SLC24A2: variants seen among roughly 807,000 people sequenced by gnomAD.
SLC24A2 encodes solute carrier family 24 member 2, also known as sodium/potassium/calcium exchanger 2.
In SLC24A2, 36 loss-of-function variants were observed where a neutral mutation model predicts 62.0. That is an observed-to-expected ratio of 0.58 (90% CI 0.44 to 0.77). The LOEUF (loss-of-function observed/expected upper bound fraction) is 0.77, where lower values mean the gene tolerates loss of function less well. SLC24A2 is among the 30% of genes least tolerant of loss of function. The probability of loss-of-function intolerance (pLI) is 0.00; values close to 1 mark genes in which losing one functional copy is unlikely to be tolerated. For missense variants in SLC24A2, 846 were observed against 817.9 expected, an observed-to-expected ratio of 1.03 and a Z score of -0.42; for synonymous variants, 358 against 294.0, an observed-to-expected ratio of 1.22 and a Z score of -2.23.
At chr9:20,109,679 G>A in the SLC24A2 span, among the ~76,000 whole-genome samples, 1 of 152,120 alleles carries the variant, frequency 6.6e-6, no homozygotes, top group Non-Finnish European at 1.5e-5. Context: ...TCTGGAGTTT[G>A]CCCATACACC....
chr9:19,903,945 A>G, the SLC24A2 span, among the ~76,000 whole-genome samples: 11,424 of 152,242 alleles, frequency 0.075, 713 homozygotes, highest in East Asian at 0.21. Context: ...TCTCATGCAC[A>G]AAGATTTTGT....
At chr9:19,686,624 A>T (rs1055280209) in intron 2 of SLC24A2, among the ~76,000 whole-genome samples, 3 of 152,052 alleles carry the variant, frequency 2.0e-5, no homozygotes, top group African/African-American at 7.2e-5. Flanking sequence ...TGGTTTTATA[A>T]GGGGCTTTCT....
the SLC24A2 span, among the ~76,000 whole-genome samples, chr9:20,040,538 A>C: frequency 6.6e-6 from 1 of 152,120 alleles, no homozygotes; most frequent in Non-Finnish European, 1.5e-5. Flanking sequence ...TTCAACCCCC[A>C]CCAAATGACC....
chr9:20,284,213 G>T, the SLC24A2 span, among the ~76,000 whole-genome samples: 67 of 152,038 alleles, frequency 4.4e-4, 1 homozygote, highest in Non-Finnish European at 1.6e-4. Context: ...CCCTTTATAA[G>T]TCAAAATCAC....
At chr9:19,866,625 C>CTTTTTTTTTTT in the SLC24A2 span, among the ~76,000 whole-genome samples, 1 of 68,188 alleles carries the variant, frequency 1.5e-5, no homozygotes, top group Non-Finnish European at 2.6e-5. Context: ...CACGTTTTCA[C>CTTTTTTTTTTT]TTTTTTTTTT....
intron 4 of SLC24A2, among the ~76,000 whole-genome samples, chr9:19,607,736 A>AG: frequency 6.6e-6 from 1 of 151,932 alleles, no homozygotes; most frequent in East Asian, 1.9e-4. Flanking sequence ...AAAAAAAAAA[A>AG]AAAAATCAAC....
chr9:20,075,243 C>T, the SLC24A2 span, among the ~76,000 whole-genome samples: 3 of 152,130 alleles, frequency 2.0e-5, no homozygotes, highest in Admixed American at 1.3e-4. Flanking sequence ...TTAGTATGTG[C>T]CTAACACCAT....
the SLC24A2 span, among the ~76,000 whole-genome samples, chr9:20,144,755 C>T: frequency 6.6e-6 from 1 of 151,952 alleles, no homozygotes. Context: ...TACGGCTGTC[C>T]TCATAAGAAA....
At chr9:19,875,877 A>G in the SLC24A2 span, among the ~76,000 whole-genome samples, 4 of 152,208 alleles carry the variant, frequency 2.6e-5, no homozygotes, top group Non-Finnish European at 4.4e-5. Flanking sequence ...ACATTCACTC[A>G]ATCATTTCCA....
the SLC24A2 span, among the ~76,000 whole-genome samples, chr9:19,796,868 C>T: frequency 2.0e-5 from 3 of 152,062 alleles, no homozygotes; most frequent in Non-Finnish European, 4.4e-5. Flanking sequence ...ATTCATTATT[C>T]TCTGCCTAGA....
chr9:19,850,022 C>CTT, the SLC24A2 span, among the ~76,000 whole-genome samples: 259 of 144,634 alleles, frequency 1.8e-3, 2 homozygotes, highest in Middle Eastern at 3.6e-3. Context: ...ATAAAAACTG[C>CTT]TTTTTTTTTT....
the SLC24A2 span, among the ~76,000 whole-genome samples, chr9:20,103,739 A>G: frequency 6.6e-6 from 1 of 152,102 alleles, no homozygotes; most frequent in East Asian, 1.9e-4. Flanking sequence ...TAAAACCACA[A>G]ACATGGGGAA....
chr9:20,063,611 G>C, the SLC24A2 span, among the ~76,000 whole-genome samples: 1 of 151,936 alleles, frequency 6.6e-6, no homozygotes, highest in Non-Finnish European at 1.5e-5. Flanking sequence ...CCTGCACATT[G>C]TGCACATGTA....
the SLC24A2 span, among the ~76,000 whole-genome samples, chr9:20,064,549 T>A: frequency 6.6e-6 from 1 of 152,216 alleles, no homozygotes; most frequent in African/African-American, 2.4e-5. Context: ...ATGAGGTTGT[T>A]ATTTACACAG....
the SLC24A2 span, among the ~76,000 whole-genome samples, chr9:19,893,300 C>T: frequency 1.3e-5 from 2 of 152,160 alleles, no homozygotes; most frequent in African/African-American, 4.8e-5. Context: ...CTCTCCATTC[C>T]CCATCAATCC....
At position 19,511,704 on chromosome 9, in the gene SLC24A2, T is replaced by A. The variant is rs1396824429; in HGVS notation, c.*4449A>T. The A allele has an allele frequency of 2.6e-5, 4 of 152,234 alleles. No homozygotes were observed. The highest frequency in any genetic ancestry group is 1.5e-5 in the Non-Finnish European group (1 of 68,046). The allele number at this position is 152,234 out of a possible 1,614,324, so 9.4% of individuals were successfully genotyped here. ...CTTAGCAAGAGTGAGCACTGACTTC[T>A]ATGCATGCTTTCAGGAGACAGTAGT... On this transcript the variant is annotated 3_prime_UTR_variant, in exon 11 of 11. Coordinates refer to ENST00000341998, the MANE Select transcript of SLC24A2 (RefSeq NM_020344.4).
At chr9:20,149,362 C>A in the SLC24A2 span, among the ~76,000 whole-genome samples, 3 of 152,084 alleles carry the variant, frequency 2.0e-5, no homozygotes, top group East Asian at 3.9e-4. Context: ...AATATATTAA[C>A]CTGAATTTGA....
chr9:20,209,200 A>G, the SLC24A2 span, among the ~76,000 whole-genome samples: 1 of 152,210 alleles, frequency 6.6e-6, no homozygotes, highest in African/African-American at 2.4e-5. Context: ...CAGGTCTCAA[A>G]TCAGTCAGGC....
At chr9:19,688,060 C>T (rs551579370) in intron 2 of SLC24A2, among the ~76,000 whole-genome samples, 5 of 152,204 alleles carry the variant, frequency 3.3e-5, no homozygotes, top group African/African-American at 1.2e-4. Context: ...GAAGGCTCCT[C>T]TCAGTGATGG....
Sources: allele counts gnomAD v4.1 joint callset (sites outside exome capture counted in the v4.1 genomes callset), GRCh38; gene constraint gnomAD v4.1.1; transcripts MANE v1.5; gene names NCBI Gene and HGNC (gene_info 2026-07-23, HGNC 2026-07-21).